The following CYFIP1 variants were observed in gnomAD, a reference collection of about 807,000 sequenced individuals.
CYFIP1 encodes cytoplasmic FMR1 interacting protein 1, also known as cytoplasmic FMR1-interacting protein 1.
In CYFIP1, 58 loss-of-function variants were observed where a neutral mutation model predicts 163.5. That is an observed-to-expected ratio of 0.35 (90% CI 0.29 to 0.44). The LOEUF (loss-of-function observed/expected upper bound fraction) is 0.44, where lower values mean the gene tolerates loss of function less well. Among genes scored for constraint, CYFIP1 ranks in the 20% least tolerant of loss-of-function variants. The pLI is 1.00. For missense variants in CYFIP1, 1,338 were observed against 1,653.8 expected, an observed-to-expected ratio of 0.81 and a Z score of 3.31; for synonymous variants, 663 against 660.7, an observed-to-expected ratio of 1.00 and a Z score of -0.05.
At chr15:22,910,650 A>G in intron 19 of CYFIP1, 22 bp from the exon 20 acceptor site, 1 of 1,611,344 alleles carries the variant, frequency 6.2e-7, no homozygotes. Flanking sequence ...GGAAGACAGA[A>G]AGTTTTTCAT....
In CYFIP1 at chr15:22,951,254, C is replaced by T. The variant is rs980382304; in HGVS notation, c.-6-3963G>A. On this transcript the variant is annotated intron_variant, in intron 1 of 30. Coordinates refer to ENST00000617928, the MANE Select transcript of CYFIP1 (RefSeq NM_014608.6). ...CGACACGTAAGGGAACGCCCCCGAC[C>T]GCAGCCGGTCACTGCTGCATGTTCC... 7.0e-6 allele frequency: 7 copies of T among 999,558 alleles called. No homozygotes were observed. In the East Asian group the frequency reaches 6.4e-4, roughly 91 times the overall value. 61.9% of individuals were successfully genotyped at this position (999,558 alleles called of 1,614,324 possible).
intron 21 of CYFIP1, 150 bp downstream of exon 21, chr15:22,909,044 G>A (rs2060690220): frequency 1.0e-6 from 1 of 980,614 alleles, no homozygotes; most frequent in Admixed American, 2.4e-5. Flanking sequence ...GCTTGGTATA[G>A]GCCACGCCCA....
intron 1 of CYFIP1, among the ~76,000 whole-genome samples, chr15:22,957,363 G>A (rs1309766134): frequency 2.7e-5 from 4 of 150,110 alleles, no homozygotes; most frequent in African/African-American, 4.9e-5. Context: ...TTGGCCGGGC[G>A]CAGTGGCTCA....
intron 3 of CYFIP1, 152 bp downstream of exon 3, chr15:22,946,851 C>A (rs1331478051): frequency 1.3e-6 from 1 of 756,052 alleles, no homozygotes; most frequent in Non-Finnish European, 2.3e-6. Context: ...CTAAGAAAAG[C>A]AAAGACTGTC....
intron 1 of CYFIP1, among the ~76,000 whole-genome samples, chr15:22,949,333 G>T (rs1178424015): frequency 6.6e-6 from 1 of 151,982 alleles, no homozygotes; most frequent in Non-Finnish European, 1.5e-5. Flanking sequence ...AAGCGGGGAG[G>T]TGCCAACTTG....
intron 22 of CYFIP1, among the ~76,000 whole-genome samples, chr15:22,893,240 A>G (rs1000874348): frequency 1.4e-4 from 22 of 152,200 alleles, no homozygotes; most frequent in African/African-American, 4.6e-4. Context: ...CTCGAGCCCA[A>G]CGCAATCCTC....
At chr15:22,942,496 C>T (rs17137227) in intron 6 of CYFIP1, among the ~76,000 whole-genome samples, 37,459 of 152,058 alleles carry the variant, frequency 0.25, 5,055 homozygotes, top group East Asian at 0.48. Context: ...CGGTCGGCAG[C>T]GCGCCGAGTG....
intron 8 of CYFIP1, 120 bp downstream of exon 8, chr15:22,939,072 C>T: frequency 7.8e-7 from 1 of 1,288,434 alleles, no homozygotes; most frequent in Non-Finnish European, 1.1e-6. Flanking sequence ...ACGCTGTTCA[C>T]ACATGACAGC....
chr15:22,913,786 C>T (rs1217854305), intron 17 of CYFIP1, among the ~76,000 whole-genome samples: 2 of 152,104 alleles, frequency 1.3e-5, no homozygotes, highest in Non-Finnish European at 2.9e-5. Flanking sequence ...CTGGTTCCAG[C>T]TCCTCACGCC....
chr15:22,903,981 AC>A, intron 21 of CYFIP1, 76 bp from the exon 22 acceptor site: 1 of 1,380,754 alleles, frequency 7.2e-7, no homozygotes, highest in Non-Finnish European at 1.0e-6. Context: ...CTCTGATCCC[AC>A]CCAGGCCTCA....
intron 6 of CYFIP1, among the ~76,000 whole-genome samples, chr15:22,941,877 A>G (rs1033302066): frequency 1.3e-5 from 2 of 152,124 alleles, no homozygotes; most frequent in African/African-American, 4.8e-5. Context: ...CACCTCCCCC[A>G]TTTCCCTGAC....
chr15:22,920,099 A>G (rs574778003), intron 13 of CYFIP1, among the ~76,000 whole-genome samples: 2 of 151,774 alleles, frequency 1.3e-5, no homozygotes, highest in South Asian at 4.2e-4. Context: ...AAAACAAAAA[A>G]CAAACAAACA....
intron 1 of CYFIP1, among the ~76,000 whole-genome samples, chr15:22,955,765 C>A (rs921136961): frequency 1.3e-5 from 2 of 152,194 alleles, no homozygotes; most frequent in African/African-American, 4.8e-5. Context: ...GCCAGTGCCT[C>A]CCCATGCTGC....
rs762028995 is a variant in CYFIP1 at position 22,926,125 on chromosome 15, G to A, written c.1234-18C>T. On this transcript the variant is annotated intron_variant, in intron 12 of 30. Transcript: ENST00000617928. ...CAGGAATACTGTGGTGGCCGAAAGA[G>A]CAGAGGTGTTCCATATTGCATGCAA... 31 of 1,613,892 alleles carry A rather than the reference G, an allele frequency of 1.9e-5. No homozygotes were observed. In the African/African-American group the frequency reaches 3.2e-4, roughly 17 times the overall value.
At chr15:22,890,372 C>T (rs1032156262) in intron 23 of CYFIP1, among the ~76,000 whole-genome samples, 1 of 151,542 alleles carries the variant, frequency 6.6e-6, no homozygotes, top group African/African-American at 2.4e-5. Context: ...GGGAGTATCA[C>T]ATGGAGCAGA....
In CYFIP1 at chr15:22,910,962, C is replaced by T. The variant is rs1009382955; in HGVS notation, c.2083-149G>A. 116 of 680,394 alleles carry T rather than the reference C, an allele frequency of 1.7e-4. 1 individual carries two copies. In the East Asian group the frequency reaches 1.8e-3, roughly 10 times the overall value. 42.1% of individuals were successfully genotyped at this position (680,394 alleles called of 1,614,324 possible). A position where few individuals can be genotyped will look rare whatever the true frequency, so the allele number is the denominator to read the frequency against. ...TCTTGCTCTGTTGCCCAGGCTGGAG[C>T]GCAGTAGTGCGATCTTGGCTCACTG... On this transcript the variant is annotated intron_variant, in intron 18 of 30. Coordinates refer to ENST00000617928, the MANE Select transcript of CYFIP1 (RefSeq NM_014608.6).
chr15:22,928,550 G>A (rs1340434296), intron 11 of CYFIP1, among the ~76,000 whole-genome samples: 1 of 152,172 alleles, frequency 6.6e-6, no homozygotes, highest in African/African-American at 2.4e-5. Flanking sequence ...ACCGCCTGGG[G>A]GACCGCGGGC....
intron 1 of CYFIP1, among the ~76,000 whole-genome samples, chr15:22,972,318 C>G (rs1028364765): frequency 6.6e-6 from 1 of 151,966 alleles, no homozygotes; most frequent in African/African-American, 2.4e-5. Context: ...CGCCTGTAAT[C>G]CCCAGCTACT....
At position 22,977,052 on chromosome 15, in the gene CYFIP1, A is replaced by C. The variant is rs184071277; in HGVS notation, c.-7+3235T>G. Among the ~76,000 whole-genome samples, 397 of 152,258 alleles carry C rather than the reference A, an allele frequency of 2.6e-3. 4 individuals carry two copies. The highest frequency in any genetic ancestry group is 9.1e-3 in the African/African-American group (376 of 41,544). Reference sequence around the variant, plus strand: ...CCATCTCTACTAAAAACACAAAATTAGCCAGACATGGTGGCACATGCCTGT... The same window carrying C: ...CCATCTCTACTAAAAACACAAAATTCGCCAGACATGGTGGCACATGCCTGT... On this transcript the variant is annotated intron_variant, in intron 1 of 30. Coordinates refer to ENST00000617928, the MANE Select transcript of CYFIP1 (RefSeq NM_014608.6).
Sources: gnomAD v4.1 joint callset for allele counts (sites outside exome capture counted in the v4.1 genomes callset) on GRCh38, gnomAD v4.1.1 for gene constraint, MANE v1.5 for transcripts, NCBI Gene and HGNC (gene_info 2026-07-23, HGNC 2026-07-21) for gene names.